The following SLC75A1 variants were observed in gnomAD, a reference collection of about 807,000 sequenced individuals.
SLC75A1 encodes solute carrier family 75 member 1, also known as major facilitator superfamily domain containing 10.
the SLC75A1 span, chr4:2,930,993 C>T: frequency 6.2e-7 from 1 of 1,612,564 alleles, no homozygotes; most frequent in South Asian, 1.1e-5. Context: ...CCCGAGGGGG[C>T]TGGCACTTGG....
At chr4:2,933,566 C>T in the SLC75A1 span, 1 of 1,613,854 alleles carries the variant, frequency 6.2e-7, no homozygotes, top group Non-Finnish European at 8.5e-7. Context: ...GCCAGCCATA[C>T]CTCCGAACAG....
At chr4:2,932,400 AG>A in the SLC75A1 span, 13 of 1,613,466 alleles carry the variant, frequency 8.1e-6, no homozygotes, top group Non-Finnish European at 1.1e-5. Flanking sequence ...GATGAACAGC[AG>A]GTCGGAGGCT....
At chr4:2,933,981 C>T in the SLC75A1 span, 3 of 1,508,052 alleles carry the variant, frequency 2.0e-6, no homozygotes, top group Non-Finnish European at 2.7e-6. Context: ...AGCGGGGAAG[C>T]CGAGTCCTCC....
chr4:2,932,232 A>G, the SLC75A1 span: 4 of 1,549,248 alleles, frequency 2.6e-6, no homozygotes, highest in Non-Finnish European at 3.5e-6. Context: ...AAGGGTCCCA[A>G]CACCAAGAGA....
At chr4:2,932,038 T>C in the SLC75A1 span, 1 of 1,610,140 alleles carries the variant, frequency 6.2e-7, no homozygotes, top group African/African-American at 1.3e-5. Flanking sequence ...GTTGGTCGAG[T>C]CCTTACTGTC....
the SLC75A1 span, chr4:2,931,545 A>G: frequency 6.2e-7 from 1 of 1,609,392 alleles, no homozygotes. Context: ...CTTTGGAGGG[A>G]GCCCCCTACC....
At chr4:2,933,613 G>A in the SLC75A1 span, 5 of 1,613,572 alleles carry the variant, frequency 3.1e-6, no homozygotes, top group Admixed American at 3.3e-5. Context: ...GCATCCCGAT[G>A]GCGGTGGCAA....
the SLC75A1 span, chr4:2,933,221 A>G: frequency 1.9e-6 from 3 of 1,611,852 alleles, no homozygotes; most frequent in Middle Eastern, 1.7e-4. Context: ...TGAGAGACAG[A>G]TGTCACCATC....
chr4:2,931,176 C>G, the SLC75A1 span: 3 of 1,557,168 alleles, frequency 1.9e-6, no homozygotes, highest in South Asian at 3.5e-5. Flanking sequence ...CAGTCAGGCA[C>G]CACTGCCCTT....
At chr4:2,933,583 G>A in the SLC75A1 span, 1 of 1,613,848 alleles carries the variant, frequency 6.2e-7, no homozygotes, top group Non-Finnish European at 8.5e-7. Context: ...ACAGGACACT[G>A]TTGTACCTCT....
At chr4:2,931,101 A>C in the SLC75A1 span, 49 of 1,592,290 alleles carry the variant, frequency 3.1e-5, no homozygotes, top group Non-Finnish European at 4.0e-5. Flanking sequence ...TGGCCAGAGC[A>C]CCTAGGCTGC....
the SLC75A1 span, chr4:2,933,541 C>A: frequency 2.1e-5 from 34 of 1,611,976 alleles, no homozygotes; most frequent in Non-Finnish European, 2.9e-5. Flanking sequence ...GTAGAGAGCC[C>A]GCCAAGGGCA....
the SLC75A1 span, chr4:2,934,075 G>C: frequency 7.5e-6 from 6 of 804,134 alleles, no homozygotes; most frequent in Non-Finnish European, 1.1e-5. Flanking sequence ...CGGACGCAGG[G>C]GCCGTTCTGG....
chr4:2,930,655 C>T, the SLC75A1 span: 4 of 632,422 alleles, frequency 6.3e-6, no homozygotes, highest in East Asian at 2.8e-5. Flanking sequence ...TGGAGTGCTG[C>T]AGCTCGGAGT....
chr4:2,931,356 C>T, the SLC75A1 span: 2 of 1,545,010 alleles, frequency 1.3e-6, no homozygotes, highest in South Asian at 1.2e-5. Flanking sequence ...GGATCCCCTG[C>T]CAGGGCAGGG....
chr4:2,933,220 G>C, the SLC75A1 span: 6 of 1,612,252 alleles, frequency 3.7e-6, no homozygotes, highest in African/African-American at 1.3e-5. Context: ...CTGAGAGACA[G>C]ATGTCACCAT....
At chr4:2,932,225 G>A in the SLC75A1 span, 11 of 1,551,370 alleles carry the variant, frequency 7.1e-6, no homozygotes, top group Non-Finnish European at 9.6e-6. Flanking sequence ...TGGCCTCAAG[G>A]GTCCCAACAC....
chr4:2,932,783 G>A, the SLC75A1 span: 1 of 1,535,826 alleles, frequency 6.5e-7, no homozygotes, highest in South Asian at 1.3e-5. Context: ...GGGCCAAGAG[G>A]CAGGGGCGGT....
the SLC75A1 span, chr4:2,931,472 G>A: frequency 6.3e-7 from 1 of 1,578,436 alleles, no homozygotes; most frequent in Admixed American, 1.8e-5. Context: ...GGGCCTGCAG[G>A]TGGGCACGGC....
Sources: allele counts gnomAD v4.1 joint callset, GRCh38; gene constraint gnomAD v4.1.1; transcripts MANE v1.5; gene names NCBI Gene and HGNC (gene_info 2026-07-23, HGNC 2026-07-21).